Variants in VWC2L observed in about 807,000 individuals in gnomAD.
VWC2L encodes the protein von Willebrand factor C domain containing 2 like, also known as von Willebrand factor C domain-containing protein 2-like.
A neutral mutation model predicts 21.6 loss-of-function variants in VWC2L; 10 were observed. The observed-to-expected ratio is 0.46, with a 90% CI of 0.29 to 0.78. The LOEUF is 0.78. Ranked by LOEUF, VWC2L falls within the 30% of genes least tolerant of loss-of-function variation. The pLI, the probability that VWC2L is intolerant of heterozygous loss-of-function variation, is 0.10. For synonymous variants in VWC2L, 96 were observed against 94.3 expected, an observed-to-expected ratio of 1.02 and a Z score of -0.10; for missense variants, 209 against 277.1, an observed-to-expected ratio of 0.75 and a Z score of 1.74.
At chr2:214,511,581 C>G (rs1404492979) in intron 3 of VWC2L, among the ~76,000 whole-genome samples, 1 of 152,102 alleles carries the variant, frequency 6.6e-6, no homozygotes, top group African/African-American at 2.4e-5. Flanking sequence ...GGAGAGTTGT[C>G]ATTAGAAACT....
intron 3 of VWC2L, among the ~76,000 whole-genome samples, chr2:214,515,187 C>G (rs913413516): frequency 6.6e-6 from 1 of 152,142 alleles, no homozygotes; most frequent in African/African-American, 2.4e-5. Context: ...ATTGCATACT[C>G]CTTTTTACTA....
chr2:214,445,040 T>C (rs2126182165), intron 3 of VWC2L, among the ~76,000 whole-genome samples: 2 of 152,054 alleles, frequency 1.3e-5, no homozygotes, highest in East Asian at 3.9e-4. Flanking sequence ...TTTTTTCATA[T>C]ATTAAAAGAA....
chr2:214,497,594 G>T (rs909942548), intron 3 of VWC2L, among the ~76,000 whole-genome samples: 1 of 152,098 alleles, frequency 6.6e-6, no homozygotes, highest in Admixed American at 6.6e-5. Flanking sequence ...TTTGGCTCAG[G>T]ATATAATCTG....
At chr2:214,575,388 A>C (rs1482406475) in intron 3 of VWC2L, among the ~76,000 whole-genome samples, 1 of 152,162 alleles carries the variant, frequency 6.6e-6, no homozygotes, top group African/African-American at 2.4e-5. Context: ...CAGAACCTAA[A>C]TTTAGAAAAC....
intron 3 of VWC2L, among the ~76,000 whole-genome samples, chr2:214,572,199 C>A (rs919385958): frequency 6.6e-6 from 1 of 152,210 alleles, no homozygotes; most frequent in Non-Finnish European, 1.5e-5. Context: ...GTGTTCAATT[C>A]ATTGAGAATC....
At chr2:214,480,859 C>A in intron 3 of VWC2L, among the ~76,000 whole-genome samples, 4 of 31,864 alleles carry the variant, frequency 1.3e-4, no homozygotes, top group African/African-American at 1.3e-4. Flanking sequence ...GTCCATATGC[C>A]AAGCCAAAAA....
chr2:214,566,410 G>C (rs1471090553), intron 3 of VWC2L, among the ~76,000 whole-genome samples: 2 of 152,224 alleles, frequency 1.3e-5, no homozygotes, highest in East Asian at 3.9e-4. Flanking sequence ...GGAACACCAG[G>C]CTATAAATCT....
intron 2 of VWC2L, among the ~76,000 whole-genome samples, chr2:214,431,493 C>T (rs1408773624): frequency 6.6e-6 from 1 of 152,112 alleles, no homozygotes; most frequent in African/African-American, 2.4e-5. Context: ...CAGAAGGAAA[C>T]CCATTTATAG....
At chr2:214,460,074 A>T (rs1703117125) in intron 3 of VWC2L, among the ~76,000 whole-genome samples, 1 of 151,432 alleles carries the variant, frequency 6.6e-6, no homozygotes, top group Non-Finnish European at 1.5e-5. Flanking sequence ...TGCCCAGCTA[A>T]TTTTTGTATT....
intron 3 of VWC2L, among the ~76,000 whole-genome samples, chr2:214,452,230 A>C (rs1231430345): frequency 6.6e-6 from 1 of 152,118 alleles, no homozygotes; most frequent in African/African-American, 2.4e-5. Context: ...ATCACAGCTC[A>C]CTGCAGCCTC....
intron 3 of VWC2L, among the ~76,000 whole-genome samples, chr2:214,488,468 G>A (rs577664116): frequency 6.6e-6 from 1 of 152,222 alleles, no homozygotes; most frequent in African/African-American, 2.4e-5. Context: ...CCGTAGTGGT[G>A]TACACATGTA....
intron 3 of VWC2L, among the ~76,000 whole-genome samples, chr2:214,482,900 G>A (rs1185192263): frequency 6.6e-6 from 1 of 152,100 alleles, no homozygotes; most frequent in Non-Finnish European, 1.5e-5. Flanking sequence ...ATTCGAGGGG[G>A]CGGGGCAGAA....
rs115859175 is a variant in VWC2L, at chr2:214,460,376, G to A, written c.520+23618G>A. Among the ~76,000 whole-genome samples the A allele has an allele frequency of 1.9e-3, 296 of 152,202 alleles. 1 individual carries two copies. The highest frequency in any genetic ancestry group is 6.8e-3 in the African/African-American group (281 of 41,526). ...TACTATATCTTTGCTTTCTCTTCAC[G>A]TTCTAGAACACCCAAAATTTGACTA... On this transcript the variant is annotated intron_variant, in intron 3 of 3. Transcript: ENST00000312504.
chr2:214,568,161 T>C (rs369320790), intron 3 of VWC2L, among the ~76,000 whole-genome samples: 1 of 152,206 alleles, frequency 6.6e-6, no homozygotes, highest in South Asian at 2.1e-4. Context: ...TGAAAGGAGA[T>C]CATGATAACC....
At chr2:214,466,471 T>C (rs1703218635) in intron 3 of VWC2L, among the ~76,000 whole-genome samples, 1 of 152,212 alleles carries the variant, frequency 6.6e-6, no homozygotes, top group Non-Finnish European at 1.5e-5. Flanking sequence ...TCCTTGTGCT[T>C]GTATTTCAGT....
At chr2:214,489,398 G>C (rs957512951) in intron 3 of VWC2L, among the ~76,000 whole-genome samples, 1 of 152,184 alleles carries the variant, frequency 6.6e-6, no homozygotes, top group Admixed American at 6.5e-5. Context: ...GAGGTAGAGA[G>C]ACTCGTTAAA....
At chr2:214,520,071 A>ACACACG (rs763855182) in intron 3 of VWC2L, among the ~76,000 whole-genome samples, 1,574 of 151,494 alleles carry the variant, frequency 0.01, 33 homozygotes, top group Admixed American at 0.056. Context: ...ACACACACAC[A>ACACACG]CACACACACA....
chr2:214,503,650 C>A (rs1005591685), intron 3 of VWC2L, among the ~76,000 whole-genome samples: 2 of 151,272 alleles, frequency 1.3e-5, no homozygotes, highest in African/African-American at 4.9e-5. Flanking sequence ...TCTCAGGAGT[C>A]TGCATTTTTG....
intron 3 of VWC2L, among the ~76,000 whole-genome samples, chr2:214,572,237 G>C (rs1690160330): frequency 1.3e-5 from 2 of 152,126 alleles, no homozygotes; most frequent in Admixed American, 6.6e-5. Context: ...TCTTATTCTA[G>C]ACCCCAGAAG....
Sources: allele counts gnomAD v4.1 joint callset (sites outside exome capture counted in the v4.1 genomes callset), GRCh38; gene constraint gnomAD v4.1.1; transcripts MANE v1.5; gene names NCBI Gene and HGNC (gene_info 2026-07-23, HGNC 2026-07-21).